The following EDIL3 variants were observed in gnomAD, a reference collection of about 807,000 sequenced individuals.
EDIL3 encodes EGF-like repeat and discoidin I-like domain-containing protein 3.
Under a neutral mutation model 67.4 loss-of-function variants are expected in EDIL3, and 37 were observed. That is an observed-to-expected ratio of 0.55 (90% CI 0.42 to 0.72). The LOEUF is 0.72. Among genes scored for constraint, EDIL3 ranks in the 30% least tolerant of loss-of-function variants. The pLI, the probability that EDIL3 is intolerant of heterozygous loss-of-function variation, is 0.00. For missense variants in EDIL3, 527 were observed against 586.3 expected (o/e 0.90, Z 1.04); for synonymous variants, 195 against 196.3 (o/e 0.99, Z 0.05).
intron 8 of EDIL3, 65 bp from the exon 9 acceptor site, chr5:84,060,549 AT>A (rs1746523969): frequency 2.6e-6 from 4 of 1,564,358 alleles, no homozygotes; most frequent in Non-Finnish European, 3.5e-6. Flanking sequence ...TTCTGCATTC[AT>A]TTTGGATAGG....
chr5:84,318,861 C>T (rs1449651073), intron 1 of EDIL3, among the ~76,000 whole-genome samples: 5 of 151,932 alleles, frequency 3.3e-5, no homozygotes, highest in African/African-American at 1.2e-4. Context: ...ATCAGCAGAG[C>T]GAACAGACAA....
chr5:84,190,830 C>T (rs1427029687), intron 3 of EDIL3, among the ~76,000 whole-genome samples: 3 of 151,764 alleles, frequency 2.0e-5, no homozygotes, highest in African/African-American at 7.3e-5. Flanking sequence ...TTTTGTCTCC[C>T]TCACTGAATT....
At chr5:84,036,742 T>C (rs1303583796) in intron 9 of EDIL3, among the ~76,000 whole-genome samples, 2 of 152,172 alleles carry the variant, frequency 1.3e-5, no homozygotes, top group African/African-American at 4.8e-5. Flanking sequence ...TGTTCTCATT[T>C]AGAGCTGCTG....
At chr5:84,224,563 G>A (rs1158182116) in intron 3 of EDIL3, among the ~76,000 whole-genome samples, 1 of 151,380 alleles carries the variant, frequency 6.6e-6, no homozygotes, top group Non-Finnish European at 1.5e-5. Context: ...CATAAGGAAA[G>A]CAATCACTGA....
rs765794931 is a variant in EDIL3, at chr5:84,060,408, C to T, written c.1029G>A (p.Thr343=). ...CCCAAGTGAACATGTCCATGTTGAG[C>T]GTTCTGAAGATGCTGGAGGCAGTGA... ...YQITASSIFR[T]LNMDMFTWEP... The change falls in exon 9 of 11, where the codon ACG becomes ACA. Residue 343 remains threonine (T), a synonymous_variant. Transcript: ENST00000296591. The T allele has an allele frequency of 2.9e-5, 47 of 1,613,592 alleles. No homozygotes were observed. The highest frequency in any genetic ancestry group is 1.6e-4 in the Middle Eastern group (1 of 6,080).
At chr5:84,186,628 A>G (rs1237505612) in intron 3 of EDIL3, among the ~76,000 whole-genome samples, 2 of 152,042 alleles carry the variant, frequency 1.3e-5, no homozygotes, top group African/African-American at 4.8e-5. Context: ...AACATATTAA[A>G]ACATGAAAAT....
At chr5:84,105,711 A>G (rs1747447591) in intron 6 of EDIL3, among the ~76,000 whole-genome samples, 1 of 149,464 alleles carries the variant, frequency 6.7e-6, no homozygotes, top group Non-Finnish European at 1.5e-5. Context: ...ATTTGAACAC[A>G]TCCCTCCAGC....
At chr5:84,248,264 G>T (rs2112068679) in intron 2 of EDIL3, among the ~76,000 whole-genome samples, 1 of 152,198 alleles carries the variant, frequency 6.6e-6, no homozygotes, top group Non-Finnish European at 1.5e-5. Flanking sequence ...GTAATCAAAG[G>T]AAATGCTTAT....
At chr5:84,110,597 A>G (rs1747543221) in intron 5 of EDIL3, among the ~76,000 whole-genome samples, 1 of 152,230 alleles carries the variant, frequency 6.6e-6, no homozygotes, top group Non-Finnish European at 1.5e-5. Flanking sequence ...GTGTTTTCTC[A>G]TATAATCTTT....
intron 1 of EDIL3, among the ~76,000 whole-genome samples, chr5:84,324,388 C>A (rs1028595425): frequency 2.6e-5 from 4 of 151,736 alleles, no homozygotes; most frequent in Non-Finnish European, 5.9e-5. Context: ...CGAAATCACA[C>A]ATCAAAATTT....
intron 3 of EDIL3, among the ~76,000 whole-genome samples, chr5:84,204,688 C>T (rs974858645): frequency 2.0e-5 from 3 of 151,466 alleles, no homozygotes; most frequent in African/African-American, 4.9e-5. Flanking sequence ...CAGTATCCTT[C>T]AAAGTCTTCT....
intron 3 of EDIL3, among the ~76,000 whole-genome samples, chr5:84,196,397 T>G (rs927591806): frequency 5.9e-5 from 9 of 152,010 alleles, no homozygotes; most frequent in Non-Finnish European, 1.2e-4. Context: ...CTACTTAAAA[T>G]TGGGAACCAC....
chr5:83,943,516 G>C lies in EDIL3; in HGVS notation c.1346C>G (p.Pro449Arg), dbSNP rs1744261800. The C allele has an allele frequency of 6.2e-7, 1 of 1,612,446 alleles. No homozygotes were observed. The change falls in exon 11 of 11, where the codon CCT becomes CGT. Residue 449 changes from proline to arginine, a missense_variant. Around this residue, in one of 2 missense-constraint regions of EDIL3, gnomAD observed 33 missense variants for 63.7 expected, o/e 0.52. Coordinates refer to ENST00000296591, the MANE Select transcript of EDIL3 (RefSeq NM_005711.5). ...NDTHRKNVID[P>R]PIYARHIRIL... ...TCTTATGTGTCGTGCATAGATGGGA[G>C]GGTCGATGACATTTTTTCTGTGAGT...
chr5:84,001,224 T>C (rs951589390), intron 9 of EDIL3, among the ~76,000 whole-genome samples: 48 of 152,128 alleles, frequency 3.2e-4, no homozygotes, highest in Non-Finnish European at 2.8e-4. Context: ...TTTTTTTGTA[T>C]TTTTAGTAAA....
intron 1 of EDIL3, among the ~76,000 whole-genome samples, chr5:84,293,903 C>T (rs1218377717): frequency 1.3e-5 from 2 of 151,224 alleles, no homozygotes; most frequent in Non-Finnish European, 2.9e-5. Context: ...AGTCTTAATA[C>T]ATTTATATAG....
rs1745316874 is a variant in EDIL3 at position 84,264,929 on chromosome 5, T to G, written c.68-10717A>C. On this transcript the variant is annotated intron_variant, in intron 1 of 10. Coordinates refer to ENST00000296591, the MANE Select transcript of EDIL3 (RefSeq NM_005711.5). ...AGAATCTTCTTATTTAGATCTTAGA[T>G]TGTGAATTCTTACTTTTTCTAAGCG... Among the ~76,000 whole-genome samples, 8 of 152,310 alleles carry G rather than the reference T, an allele frequency of 5.3e-5. No homozygotes were observed. The South Asian group carries it at 1.7e-3, about 32-fold the overall frequency.
chr5:83,967,558 G>T (rs541466198), intron 9 of EDIL3, among the ~76,000 whole-genome samples: 1 of 152,080 alleles, frequency 6.6e-6, no homozygotes, highest in Non-Finnish European at 1.5e-5. Flanking sequence ...AGTTCTGTGG[G>T]AATATAAACT....
chr5:84,212,268 A>G (rs568450340), intron 3 of EDIL3, among the ~76,000 whole-genome samples: 6 of 152,298 alleles, frequency 3.9e-5, no homozygotes, highest in East Asian at 3.9e-4. Flanking sequence ...GTGTCCTTCT[A>G]AGAAACAGGA....
chr5:84,295,122 T>C (rs1313613720), intron 1 of EDIL3, among the ~76,000 whole-genome samples: 1 of 152,050 alleles, frequency 6.6e-6, no homozygotes, highest in Non-Finnish European at 1.5e-5. Context: ...TATAAGAAAA[T>C]GAAAAATTTT....
Sources: gnomAD v4.1 joint callset for allele counts (sites outside exome capture counted in the v4.1 genomes callset) on GRCh38, gnomAD v4.1.1 for gene constraint, gnomAD v4.1.1 regional missense constraint, MANE v1.5 for transcripts, NCBI Gene and HGNC (gene_info 2026-07-23, HGNC 2026-07-21) for gene names.